The following C1orf105 variants were observed in gnomAD, a reference collection of about 807,000 sequenced individuals.
C1orf105 encodes the protein chromosome 1 open reading frame 105.
In C1orf105, 17 loss-of-function variants were observed where a neutral mutation model predicts 20.8. The ratio of observed to expected loss-of-function variants is 0.82; its 90% CI spans 0.56 to 1.23. C1orf105 has a LOEUF of 1.23. Among genes scored for constraint, C1orf105 ranks in the 50% most tolerant of loss-of-function variants. The probability of loss-of-function intolerance (pLI) is 0.00; values close to 1 mark genes in which losing one functional copy is unlikely to be tolerated. For synonymous variants in C1orf105, 72 were observed against 72.1 expected (o/e 1.00, Z 0.01); for missense variants, 219 against 213.5 (o/e 1.03, Z -0.16).
chr1:172,427,250 A>G (rs1445911103), intron 1 of C1orf105, among the ~76,000 whole-genome samples: 2 of 152,160 alleles, frequency 1.3e-5, no homozygotes, highest in African/African-American at 2.4e-5. Context: ...ATCGGTATTC[A>G]TCTACTCTGT....
intron 1 of C1orf105, chr1:172,431,102 A>G: frequency 1.5e-6 from 1 of 653,044 alleles, no homozygotes; most frequent in Non-Finnish European, 2.8e-6. Flanking sequence ...GCCAATTAAT[A>G]ACCCTGCAAT....
intron 3 of C1orf105, among the ~76,000 whole-genome samples, chr1:172,451,773 A>G (rs1648666626): frequency 6.6e-6 from 1 of 151,636 alleles, no homozygotes; most frequent in African/African-American, 2.4e-5. Context: ...AACATGTGTA[A>G]TATCATAAGG....
chr1:172,433,506 CT>C (rs1480535533), intron 1 of C1orf105, among the ~76,000 whole-genome samples: 1 of 152,118 alleles, frequency 6.6e-6, no homozygotes, highest in East Asian at 1.9e-4. Flanking sequence ...CCAAACTAAG[CT>C]TCATAAGTGA....
intron 3 of C1orf105, among the ~76,000 whole-genome samples, chr1:172,454,157 T>A (rs6424923): frequency 0.32 from 48,746 of 151,860 alleles, 8,061 homozygotes; most frequent in Middle Eastern, 0.43. Flanking sequence ...AGAACTTATA[T>A]CTCTACTAAA....
intron 4 of C1orf105, among the ~76,000 whole-genome samples, chr1:172,461,324 AT>A (rs141477573): frequency 0.037 from 5,582 of 152,274 alleles, 119 homozygotes; most frequent in Middle Eastern, 0.051. Flanking sequence ...ATACATTGTA[AT>A]TTGTAACTTT....
chr1:172,441,593 AT>A (rs774011189), intron 1 of C1orf105: 257 of 764,094 alleles, frequency 3.4e-4, no homozygotes, highest in Middle Eastern at 8.4e-4. Flanking sequence ...CCTTTGGTTC[AT>A]TTTTTTTGGT....
intron 1 of C1orf105, chr1:172,442,266 G>A: frequency 6.2e-7 from 1 of 1,613,878 alleles, no homozygotes; most frequent in East Asian, 2.2e-5. Flanking sequence ...CACTCTTCAG[G>A]TCAGCCCACC....
chr1:172,454,374 A>G (rs532715290), intron 3 of C1orf105, among the ~76,000 whole-genome samples: 1 of 151,614 alleles, frequency 6.6e-6, no homozygotes, highest in Non-Finnish European at 1.5e-5. Context: ...AGTTTCAGAA[A>G]TGTACCTCAC....
At position 172,428,158 on chromosome 1, in the gene C1orf105, G is replaced by A. The variant is rs566437729; in HGVS notation, c.21+7252G>A. Among the ~76,000 whole-genome samples the A allele has an allele frequency of 2.6e-5, 4 of 152,142 alleles. No homozygotes were observed. In the East Asian group the frequency reaches 5.8e-4, roughly 22 times the overall value. On this transcript the variant is annotated intron_variant, in intron 1 of 6. Coordinates refer to ENST00000367727, the MANE Select transcript of C1orf105 (RefSeq NM_139240.4). ...CACTCTACATCTAATACATCAGGTA[G>A]CCCCACTGTCTTTACTTTCAAATTA...
Position 172,428,878 on chromosome 1 carries a change from C to A in C1orf105, c.21+7972C>A, listed in dbSNP as rs138765792. ...TTGACAATAAATTCCTGAAGCCACA[C>A]ACTATAAAAATCTGAATGGTAGAAG... is the stretch of plus-strand genomic sequence containing the variant. On this transcript the variant is annotated intron_variant, in intron 1 of 6. Transcript: ENST00000367727. 14 of 680,598 alleles carry A rather than the reference C, an allele frequency of 2.1e-5. No homozygotes were observed. The East Asian group carries it at 3.8e-4, about 19-fold the overall frequency. The allele number at this position is 680,598 out of a possible 1,614,324, so 42.2% of individuals were successfully genotyped here.
In C1orf105 at chr1:172,468,798, A is replaced by G. The variant is rs1215351721; in HGVS notation, c.*204A>G. 9.0e-6 allele frequency: 4 copies of G among 443,320 alleles called. No homozygotes were observed. Among genetic ancestry groups the G allele is most frequent in the Admixed American group, 3.7e-5 (1 of 27,352 alleles). 27.5% of individuals were successfully genotyped at this position (443,320 alleles called of 1,614,324 possible). On this transcript the variant is annotated 3_prime_UTR_variant, in exon 7 of 7. Transcript: ENST00000367727. ...CTAAAGACAAAATTGTTTAATTTAC[A>G]TGATTATAAAGATCTGTTTATGAAA...
intron 1 of C1orf105, among the ~76,000 whole-genome samples, chr1:172,421,291 T>A (rs2071579597): frequency 6.6e-6 from 1 of 152,026 alleles, no homozygotes; most frequent in South Asian, 2.1e-4. Context: ...AAACAATGAA[T>A]CTCAGTCACA....
rs1649746655 is a variant in C1orf105, at chr1:172,462,206, A to G, written c.302A>G (p.Asp101Gly). Residue 101 changes from aspartate to glycine, a missense_variant, in exon 5 of 7, where the codon GAT becomes GGT. Transcript: ENST00000367727. ...MVQPRTMKIPDDPKASFENCM... is the reference protein window; with the variant it reads ...MVQPRTMKIPGDPKASFENCM... ...CAACCAAGAACAATGAAAATCCCAGATGATCCAAAAGCATCCTTTGAGAAT... is the reference window on the plus strand; with the variant it reads ...CAACCAAGAACAATGAAAATCCCAGGTGATCCAAAAGCATCCTTTGAGAAT... The G allele has an allele frequency of 6.2e-7, 1 of 1,610,524 alleles. No homozygotes were observed. The highest frequency in any genetic ancestry group is 8.5e-7 in the Non-Finnish European group (1 of 1,178,538).
intron 1 of C1orf105, among the ~76,000 whole-genome samples, chr1:172,423,306 G>A (rs1030657075): frequency 1.3e-5 from 2 of 152,116 alleles, no homozygotes; most frequent in African/African-American, 2.4e-5. Context: ...TGTTTCTTTG[G>A]GAAAAAGTAA....
intron 1 of C1orf105, among the ~76,000 whole-genome samples, chr1:172,437,609 A>T (rs963464542): frequency 1.3e-5 from 2 of 149,580 alleles, no homozygotes; most frequent in Non-Finnish European, 3.0e-5. Context: ...GGGGAGGGAT[A>T]GCATTAGGAT....
intron 4 of C1orf105, among the ~76,000 whole-genome samples, chr1:172,460,878 A>G (rs1490570297): frequency 2.0e-5 from 3 of 152,186 alleles, no homozygotes; most frequent in South Asian, 2.1e-4. Context: ...TCAAAAACAA[A>G]AATCCTGTCT....
At chr1:172,444,079 C>G (rs1558133863) in intron 1 of C1orf105, 1 of 997,816 alleles carries the variant, frequency 1.0e-6, no homozygotes, top group East Asian at 1.1e-4. Context: ...TGGCCAAGCA[C>G]TTCCGGGTCC....
intron 2 of C1orf105, among the ~76,000 whole-genome samples, chr1:172,446,520 A>G (rs1028959566): frequency 2.6e-5 from 4 of 152,224 alleles, no homozygotes; most frequent in African/African-American, 7.2e-5. Context: ...GTCTTCTAAC[A>G]GTACTAGAAA....
chr1:172,453,701 G>A (rs545708734), intron 3 of C1orf105, among the ~76,000 whole-genome samples: 2 of 152,182 alleles, frequency 1.3e-5, no homozygotes, highest in Non-Finnish European at 1.5e-5. Context: ...CTCTCAGCCC[G>A]GTGGAGGAAA....
Sources: allele counts gnomAD v4.1 joint callset (sites outside exome capture counted in the v4.1 genomes callset), GRCh38; gene constraint gnomAD v4.1.1; transcripts MANE v1.5; gene names NCBI Gene and HGNC (gene_info 2026-07-23, HGNC 2026-07-21).